The following CDC14A variants were observed in gnomAD, a reference collection of about 807,000 sequenced individuals.
The protein encoded by CDC14A is dual specificity protein phosphatase CDC14A.
In CDC14A, 53 loss-of-function variants were observed where a neutral mutation model predicts 74.4. The observed-to-expected ratio is 0.71, with a 90% CI of 0.57 to 0.89. The LOEUF (loss-of-function observed/expected upper bound fraction) is 0.89, where lower values mean the gene tolerates loss of function less well. Among genes scored for constraint, CDC14A ranks in the 40% least tolerant of loss-of-function variants. CDC14A has a pLI of 0.00. For synonymous variants in CDC14A, 247 were observed against 258.4 expected (o/e 0.96, Z 0.43); for missense variants, 646 against 713.7 (o/e 0.91, Z 1.08).
At chr1:100,495,694 A>G (rs550297823) in intron 12 of CDC14A, among the ~76,000 whole-genome samples, 2 of 152,334 alleles carry the variant, frequency 1.3e-5, no homozygotes, top group Non-Finnish European at 2.9e-5. Context: ...ACAGATTCAC[A>G]GGGAATTTAG....
intron 4 of CDC14A, among the ~76,000 whole-genome samples, chr1:100,420,217 A>G (rs978170909): frequency 6.8e-6 from 1 of 146,262 alleles, no homozygotes; most frequent in Non-Finnish European, 1.5e-5. Flanking sequence ...CCAGAGAAAG[A>G]TCATTAGCAA....
chr1:100,348,965 C>T (rs374230796), upstream of CDC14A, among the ~76,000 whole-genome samples: 92 of 152,228 alleles, frequency 6.0e-4, no homozygotes, highest in East Asian at 8.3e-3. Flanking sequence ...GATCCTGAGG[C>T]GGGCGGATTA....
chr1:100,454,419 T>A (rs1037591149), intron 7 of CDC14A, among the ~76,000 whole-genome samples: 5 of 152,022 alleles, frequency 3.3e-5, no homozygotes, highest in Admixed American at 6.6e-5. Flanking sequence ...ATATATATTT[T>A]GTGATGCATT....
At chr1:100,518,164 C>T (rs1242903455) in intron 15 of CDC14A, 87 bp from the exon 16 acceptor site, 17 of 973,780 alleles carry the variant, frequency 1.7e-5, no homozygotes, top group Non-Finnish European at 2.8e-5. Context: ...TCTAAGCTGT[C>T]TTGTGTGGAA....
intron 2 of CDC14A, among the ~76,000 whole-genome samples, chr1:100,363,620 T>C (rs1194184989): frequency 6.6e-6 from 1 of 152,056 alleles, no homozygotes; most frequent in African/African-American, 2.4e-5. Context: ...TTCTCTTTTT[T>C]TTTTTTTATA....
At chr1:100,373,441 T>C (rs1173227026) in intron 2 of CDC14A, among the ~76,000 whole-genome samples, 2 of 152,192 alleles carry the variant, frequency 1.3e-5, no homozygotes, top group Non-Finnish European at 1.5e-5. Context: ...TTTAAAATAT[T>C]GTGAGAGTTA....
chr1:100,383,783 G>A (rs1656472986), intron 3 of CDC14A: 1 of 152,146 alleles, frequency 6.6e-6, no homozygotes, highest in Admixed American at 6.5e-5. Flanking sequence ...CTGCATTAAT[G>A]TCTTCCTTAG....
chr1:100,379,512 T>G lies in CDC14A; in HGVS notation c.216+1891T>G, dbSNP rs1325990877. Among the ~76,000 whole-genome samples the G allele has an allele frequency of 2.6e-5, 4 of 152,324 alleles. No homozygotes were observed. In the South Asian group the frequency reaches 6.2e-4, roughly 24 times the overall value. On this transcript the variant is annotated intron_variant, in intron 3 of 15. Coordinates refer to ENST00000336454, the MANE Select transcript of CDC14A (RefSeq NM_003672.4). ...AAGCATACTACATAGAATCTCTAATTAGGAGAAAAAGATTTACTGTACCAG... is the reference window on the plus strand; with the variant it reads ...AAGCATACTACATAGAATCTCTAATGAGGAGAAAAAGATTTACTGTACCAG...
intron 10 of CDC14A, among the ~76,000 whole-genome samples, chr1:100,475,126 C>T (rs1160599123): frequency 6.6e-6 from 1 of 152,138 alleles, no homozygotes; most frequent in African/African-American, 2.4e-5. Context: ...CTTAGTTATT[C>T]AGATTGGGTA....
intron 15 of CDC14A, among the ~76,000 whole-genome samples, chr1:100,499,847 T>A (rs1207336326): frequency 6.6e-6 from 1 of 152,168 alleles, no homozygotes; most frequent in Non-Finnish European, 1.5e-5. Context: ...AAGATATTTC[T>A]AAGAAGGGCT....
upstream of CDC14A, chr1:100,352,410 C>T (rs1033297314): frequency 3.2e-6 from 3 of 938,496 alleles, no homozygotes; most frequent in Admixed American, 6.9e-5. Flanking sequence ...GTGGAGGGGG[C>T]TGAGGGAGGG....
intron 8 of CDC14A, among the ~76,000 whole-genome samples, chr1:100,456,785 G>A (rs1666742127): frequency 2.0e-5 from 3 of 152,120 alleles, no homozygotes; most frequent in Admixed American, 6.5e-5. Context: ...TATTTAATAG[G>A]GAACTCTGCT....
chr1:100,349,119 C>G (rs998355276), upstream of CDC14A, among the ~76,000 whole-genome samples: 1 of 152,076 alleles, frequency 6.6e-6, no homozygotes, highest in Non-Finnish European at 1.5e-5. Flanking sequence ...TCGCTTGAAC[C>G]CGGGAGGTGG....
chr1:100,482,310 T>G (rs1669567750), intron 10 of CDC14A, among the ~76,000 whole-genome samples: 1 of 152,204 alleles, frequency 6.6e-6, no homozygotes, highest in Non-Finnish European at 1.5e-5. Context: ...TTTAAATTCC[T>G]TAGGATGACA....
intron 5 of CDC14A, among the ~76,000 whole-genome samples, chr1:100,433,420 A>T (rs1663949810): frequency 6.6e-6 from 1 of 152,224 alleles, no homozygotes; most frequent in African/African-American, 2.4e-5. Flanking sequence ...TTCAGTGCTT[A>T]TAAGGGTTCT....
At chr1:100,396,653 AT>A (rs1161710740) in intron 4 of CDC14A, among the ~76,000 whole-genome samples, 1 of 152,212 alleles carries the variant, frequency 6.6e-6, no homozygotes, top group Admixed American at 6.5e-5. Context: ...TTTTTAAAAA[AT>A]AAACTTGTAT....
At chr1:100,401,963 G>A (rs552490724) in intron 4 of CDC14A, among the ~76,000 whole-genome samples, 2 of 152,046 alleles carry the variant, frequency 1.3e-5, no homozygotes, top group African/African-American at 2.4e-5. Flanking sequence ...ACTTGAACCC[G>A]GGAGGCGGAG....
rs2100873138 is a variant in CDC14A at position 100,353,867 on chromosome 1, T to C, written c.140+15T>C. The C allele has an allele frequency of 1.3e-6, 2 of 1,520,512 alleles. No individual in the cohort carries two copies. Among genetic ancestry groups the C allele is most frequent in the Non-Finnish European group, 1.8e-6 (2 of 1,102,460 alleles). 94.2% of individuals were successfully genotyped at this position (1,520,512 alleles called of 1,614,324 possible). A position where few individuals can be genotyped will look rare whatever the true frequency, so the allele number is the denominator to read the frequency against. ...GTCTATGAAAAGTAAGTTTATGTTT[T>C]GTTTTTTTTTCTCTTGGCCATTCAG... On this transcript the variant is annotated intron_variant, in intron 2 of 15. Coordinates refer to ENST00000336454, the MANE Select transcript of CDC14A (RefSeq NM_003672.4).
At chr1:100,465,911 C>A (rs573082628) in intron 9 of CDC14A, among the ~76,000 whole-genome samples, 15 of 152,314 alleles carry the variant, frequency 9.8e-5, no homozygotes, top group African/African-American at 3.6e-4. Flanking sequence ...AACATCTTGT[C>A]ATGCTGTGCC....
Sources: gnomAD v4.1 joint callset for allele counts (sites outside exome capture counted in the v4.1 genomes callset) on GRCh38, gnomAD v4.1.1 for gene constraint, MANE v1.5 for transcripts, NCBI Gene and HGNC (gene_info 2026-07-23, HGNC 2026-07-21) for gene names.